Variants in SLCO3A1 observed in about 807,000 individuals in gnomAD.
SLCO3A1 encodes the protein PGE1 transporter.
SLCO3A1 carries 27 observed loss-of-function variants against 63.1 expected under a neutral mutation model. The ratio of observed to expected loss-of-function variants is 0.43; its 90% CI spans 0.32 to 0.59. SLCO3A1 has a LOEUF of 0.59. Among genes scored for constraint, SLCO3A1 ranks in the 20% least tolerant of loss-of-function variants. The pLI, the probability that SLCO3A1 is intolerant of heterozygous loss-of-function variation, is 0.09. For synonymous variants in SLCO3A1, 473 were observed against 409.9 expected, an observed-to-expected ratio of 1.15 and a Z score of -1.86; for missense variants, 773 against 945.8, an observed-to-expected ratio of 0.82 and a Z score of 2.40.
rs565234731 is a variant in SLCO3A1 at position 91,926,558 on chromosome 15, CGTGTGTGTGTGT to C, written c.646+10128_646+10139del. 2.1e-3 allele frequency among the ~76,000 whole-genome samples: 264 copies of C among 126,082 alleles called. 8 individuals are homozygous for C. In the East Asian group the frequency reaches 0.062, roughly 30 times the overall value. 82.7% of individuals were successfully genotyped at this position (126,082 alleles called of 152,430 possible). On this transcript the variant is annotated intron_variant, in intron 2 of 9. Coordinates refer to ENST00000318445, the MANE Select transcript of SLCO3A1 (RefSeq NM_013272.4). ...CTTTGCCATTTCATTCCTGCCAAGC[CGTGTGTGTGTGT>C]GTGTGTGTGTGTGTGTGTGTGTGTG...
At chr15:92,001,474 C>T (rs8040212) in intron 2 of SLCO3A1, among the ~76,000 whole-genome samples, 23,095 of 152,136 alleles carry the variant, frequency 0.15, 1,939 homozygotes, top group East Asian at 0.23. Flanking sequence ...GTGCCTCCTG[C>T]CCCAGCCTCC....
intron 9 of SLCO3A1, among the ~76,000 whole-genome samples, chr15:92,154,455 CTTTAAT>C (rs532732473): frequency 2.2e-4 from 33 of 152,184 alleles, no homozygotes; most frequent in Admixed American, 1.8e-3. Context: ...CTGTAGCCTA[CTTTAAT>C]TTTATTAGTT....
chr15:91,915,530 G>A (rs117084946), intron 1 of SLCO3A1, among the ~76,000 whole-genome samples: 10,547 of 152,148 alleles, frequency 0.069, 515 homozygotes, highest in Non-Finnish European at 0.11. Context: ...TTTTGAGGTG[G>A]GGGATAGGCT....
At chr15:91,857,949 A>G (rs576062275) in intron 1 of SLCO3A1, among the ~76,000 whole-genome samples, 9 of 152,292 alleles carry the variant, frequency 5.9e-5, no homozygotes, top group African/African-American at 1.7e-4. Context: ...AGAGTTATAG[A>G]AAAATAAGTT....
chr15:92,027,081 C>A (rs1475103794), intron 2 of SLCO3A1, among the ~76,000 whole-genome samples: 3 of 128,024 alleles, frequency 2.3e-5, no homozygotes, highest in Non-Finnish European at 4.8e-5. Context: ...CAGAGTGAGA[C>A]TTTGTCTCCA....
intron 2 of SLCO3A1, among the ~76,000 whole-genome samples, chr15:91,994,473 T>A (rs563088910): frequency 4.7e-4 from 72 of 152,356 alleles, no homozygotes; most frequent in African/African-American, 1.1e-3. Context: ...CTGCTTTTTT[T>A]AAATGAACTA....
intron 1 of SLCO3A1, among the ~76,000 whole-genome samples, chr15:91,902,446 GTCT>G (rs1898183925): frequency 1.3e-5 from 2 of 151,830 alleles, no homozygotes; most frequent in Non-Finnish European, 2.9e-5. Flanking sequence ...TAGTTTGCCA[GTCT>G]TTTGCTTGCC....
intron 2 of SLCO3A1, among the ~76,000 whole-genome samples, chr15:92,058,045 G>A (rs1015519593): frequency 4.6e-5 from 7 of 152,294 alleles, no homozygotes; most frequent in South Asian, 2.1e-4. Flanking sequence ...TGACTTGCCC[G>A]TGGTCACACA....
intron 2 of SLCO3A1, among the ~76,000 whole-genome samples, chr15:92,080,509 G>A (rs2047330749): frequency 6.6e-6 from 1 of 152,134 alleles, no homozygotes; most frequent in African/African-American, 2.4e-5. Context: ...AAGGCCCCTT[G>A]GAGGAGGTGG....
At chr15:91,905,767 G>T (rs1436123941) in intron 1 of SLCO3A1, among the ~76,000 whole-genome samples, 3 of 151,934 alleles carry the variant, frequency 2.0e-5, no homozygotes, top group African/African-American at 7.3e-5. Context: ...ATTTCTCTTT[G>T]TTCAACCCAG....
At position 92,026,595 on chromosome 15, in the gene SLCO3A1, C is replaced by T. The variant is rs150951314; in HGVS notation, c.647-68286C>T. 2.8e-3 allele frequency among the ~76,000 whole-genome samples: 433 copies of T among 152,214 alleles called. 3 individuals carry two copies. Among genetic ancestry groups the T allele is most frequent in the African/African-American group, 9.2e-3 (383 of 41,528 alleles). On this transcript the variant is annotated intron_variant, in intron 2 of 9. Transcript: ENST00000318445. ...TAAGGGTTCTATGATTTCTGCTTTC[C>T]GTTTTCTTCAGAGAATTTGATGTGA...
chr15:92,085,686 G>T (rs1045685153), intron 2 of SLCO3A1, among the ~76,000 whole-genome samples: 1 of 152,172 alleles, frequency 6.6e-6, no homozygotes, highest in African/African-American at 2.4e-5. Flanking sequence ...CAGCTTACAC[G>T]TTGTTGTGAA....
At chr15:91,902,101 T>G (rs1430655175) in intron 1 of SLCO3A1, among the ~76,000 whole-genome samples, 1 of 152,228 alleles carries the variant, frequency 6.6e-6, no homozygotes, top group Admixed American at 6.5e-5. Flanking sequence ...ATATCTGATA[T>G]CAAGCTCCTT....
At chr15:92,106,647 G>T (rs895253463) in intron 4 of SLCO3A1, among the ~76,000 whole-genome samples, 2 of 152,222 alleles carry the variant, frequency 1.3e-5, no homozygotes, top group South Asian at 2.1e-4. Context: ...TTTCATCTCT[G>T]GGAATAAAAA....
rs1436774687 is a variant in SLCO3A1, at chr15:91,872,872, A to G, written c.180+18784A>G. The stretch of plus-strand genomic sequence containing the variant: ...CTGTTCCCTTCCTCCCCTTTAGGGC[A>G]TGGTGGCGTCTGTAAGTGACAAGAG... On this transcript the variant is annotated intron_variant, in intron 1 of 9. Coordinates refer to ENST00000318445, the MANE Select transcript of SLCO3A1 (RefSeq NM_013272.4). The surrounding 1 kb of genome is among the most constrained non-coding windows in gnomAD (Gnocchi z 4.1). Among the ~76,000 whole-genome samples, 1 of 152,212 alleles carries G rather than the reference A, an allele frequency of 6.6e-6. No homozygotes were observed. The highest frequency in any genetic ancestry group is 1.5e-5 in the Non-Finnish European group (1 of 68,048).
At position 91,988,444 on chromosome 15, in the gene SLCO3A1, ATG is replaced by A. The variant is rs2046082959; in HGVS notation, c.646+71988_646+71989del. ...AAAATAAAACTAATTTTATTTTTAA[ATG>A]TTATTTTATTTTATTTAAAGAAATT... On this transcript the variant is annotated intron_variant, in intron 2 of 9. Transcript: ENST00000318445. Among the ~76,000 whole-genome samples, 3 of 152,320 alleles carry A rather than the reference ATG, an allele frequency of 2.0e-5. No homozygotes were observed. In the South Asian group the frequency reaches 6.2e-4, roughly 32 times the overall value.
chr15:91,874,841 G>C (rs574622223), intron 1 of SLCO3A1, among the ~76,000 whole-genome samples: 1 of 152,132 alleles, frequency 6.6e-6, no homozygotes, highest in Non-Finnish European at 1.5e-5. Flanking sequence ...TTATTTCCTC[G>C]TGGTTTCATT....
At chr15:91,919,333 A>G (rs1348827094) in intron 2 of SLCO3A1, among the ~76,000 whole-genome samples, 3 of 152,194 alleles carry the variant, frequency 2.0e-5, no homozygotes, top group Non-Finnish European at 4.4e-5. Context: ...TCTGGCTGGC[A>G]CCATTCTTCA....
chr15:92,052,217 T>C (rs533183931), intron 2 of SLCO3A1, among the ~76,000 whole-genome samples: 1 of 152,258 alleles, frequency 6.6e-6, no homozygotes, highest in African/African-American at 2.4e-5. Context: ...CAGCTGGGTG[T>C]CCATGCTCCT....
Sources: allele counts gnomAD v4.1 joint callset (sites outside exome capture counted in the v4.1 genomes callset), GRCh38; gene constraint gnomAD v4.1.1; non-coding constraint Gnocchi (gnomAD v3.1); transcripts MANE v1.5; gene names NCBI Gene and HGNC (gene_info 2026-07-23, HGNC 2026-07-21).